MYCBP2: variants seen among roughly 807,000 people sequenced by gnomAD.
The protein encoded by MYCBP2 is MYC binding protein 2, also known as E3 ubiquitin-protein ligase MYCBP2.
MYCBP2 carries 120 observed loss-of-function variants against 525.3 expected under a neutral mutation model. The observed-to-expected ratio is 0.23, with a 90% CI of 0.20 to 0.27. The LOEUF (loss-of-function observed/expected upper bound fraction) is 0.27, where lower values mean the gene tolerates loss of function less well. Among genes scored for constraint, MYCBP2 ranks in the 10% least tolerant of loss-of-function variants. The pLI is 1.00. For missense variants in MYCBP2, 4,149 were observed against 5,657.1 expected, an observed-to-expected ratio of 0.73 and a Z score of 8.55; for synonymous variants, 1,894 against 1,955.8, an observed-to-expected ratio of 0.97 and a Z score of 0.83.
At chr13:77,311,313 GT>G (rs1167520591) in intron 1 of MYCBP2, among the ~76,000 whole-genome samples, 2 of 152,134 alleles carry the variant, frequency 1.3e-5, no homozygotes, top group Non-Finnish European at 2.9e-5. Context: ...AAACCCTAGA[GT>G]TTACAAAACA....
chr13:77,290,590 GA>G (rs1217082969), intron 2 of MYCBP2, among the ~76,000 whole-genome samples: 5 of 152,048 alleles, frequency 3.3e-5, no homozygotes, highest in Non-Finnish European at 7.4e-5. Flanking sequence ...GCCAAGTGGG[GA>G]AAAAAAGCAC....
intron 76 of MYCBP2, among the ~76,000 whole-genome samples, chr13:77,060,155 T>C (rs983863327): frequency 6.6e-6 from 1 of 151,900 alleles, no homozygotes; most frequent in African/African-American, 2.4e-5. Context: ...ACAGAATCAA[T>C]AAAACAAGAA....
chr13:77,109,450 G>T (rs918999155), intron 55 of MYCBP2, among the ~76,000 whole-genome samples: 1 of 152,184 alleles, frequency 6.6e-6, no homozygotes, highest in Admixed American at 6.5e-5. Context: ...ACAGGCCTTG[G>T]ACCAGTATTG....
At chr13:77,219,929 AC>A (rs1436843763) in intron 20 of MYCBP2, among the ~76,000 whole-genome samples, 2 of 152,056 alleles carry the variant, frequency 1.3e-5, no homozygotes, top group Non-Finnish European at 2.9e-5. Context: ...TTTCATAGAG[AC>A]CCCATGTCTT....
At chr13:77,152,280 C>G (rs955300535) in intron 46 of MYCBP2, among the ~76,000 whole-genome samples, 3 of 152,144 alleles carry the variant, frequency 2.0e-5, no homozygotes, top group African/African-American at 7.2e-5. Flanking sequence ...ATATTAAAAA[C>G]CCATTCTTAT....
Position 77,062,681 on chromosome 13 carries a change from G to C in MYCBP2, c.12689C>G (p.Ala4230Gly). Residue 4230 changes from alanine to glycine, a missense_variant, in exon 74 of 83, where the codon GCA becomes GGA. Physicochemically the swap from Ala to Gly is moderately conservative, Grantham distance 60. Around this residue, in one of 21 missense-constraint regions of MYCBP2, gnomAD observed 220 missense variants for 396.0 expected, o/e 0.56. Transcript: ENST00000544440. ...GTCCTGATCAAGAACACATAGGGATGCGAGAGCAAGCCAGAGCTGTTGAAA... is the reference window on the plus strand; with the variant it reads ...GTCCTGATCAAGAACACATAGGGATCCGAGAGCAAGCCAGAGCTGTTGAAA... ...IATTRLWLAL[A>G]SLCVLDQDHV... 6.2e-7 allele frequency: 1 copy of C among 1,614,144 alleles called. No individual in the cohort carries two copies. Among genetic ancestry groups the C allele is most frequent in the Non-Finnish European group, 8.5e-7 (1 of 1,179,984 alleles).
intron 37 of MYCBP2, among the ~76,000 whole-genome samples, chr13:77,173,143 G>C (rs1595119700): frequency 6.6e-6 from 1 of 152,212 alleles, no homozygotes; most frequent in Admixed American, 6.5e-5. Flanking sequence ...GGAGCTATCA[G>C]AGCAGGATGG....
intron 1 of MYCBP2, among the ~76,000 whole-genome samples, chr13:77,307,023 C>T (rs2079518337): frequency 6.6e-6 from 1 of 151,982 alleles, no homozygotes. Context: ...ACTACAGACT[C>T]CATAGGTGGA....
At chr13:77,243,554 A>G (rs1594265804) in intron 16 of MYCBP2, among the ~76,000 whole-genome samples, 1 of 151,778 alleles carries the variant, frequency 6.6e-6, no homozygotes, top group Non-Finnish European at 1.5e-5. Flanking sequence ...CGGAGGTTGC[A>G]GTGAGCTGAG....
chr13:77,053,050 C>T (rs529276100), intron 80 of MYCBP2, among the ~76,000 whole-genome samples: 1 of 151,322 alleles, frequency 6.6e-6, no homozygotes, highest in East Asian at 2.0e-4. Flanking sequence ...AGGTGGGAGG[C>T]TTGTTTGAGC....
intron 54 of MYCBP2, among the ~76,000 whole-genome samples, chr13:77,123,261 T>C (rs2051069607): frequency 6.6e-6 from 1 of 152,196 alleles, no homozygotes; most frequent in East Asian, 1.9e-4. Flanking sequence ...AGGTTTTATA[T>C]TAAAATAGTA....
chr13:77,178,988 G>C (rs2059969516), intron 34 of MYCBP2, among the ~76,000 whole-genome samples: 1 of 152,168 alleles, frequency 6.6e-6, no homozygotes, highest in East Asian at 1.9e-4. Flanking sequence ...TCGTCTCTGA[G>C]GCCAAACTCA....
chr13:77,083,571 TA>T, intron 62 of MYCBP2, among the ~76,000 whole-genome samples: 1 of 152,182 alleles, frequency 6.6e-6, no homozygotes, highest in East Asian at 1.9e-4. Context: ...TGTTTATGTA[TA>T]AAAAATAACA....
In MYCBP2 at chr13:77,181,849, G is replaced by C. The variant is rs763978416; in HGVS notation, c.4793C>G (p.Thr1598Arg). The C allele has an allele frequency of 1.2e-5, 20 of 1,613,916 alleles. No individual in the cohort carries two copies. The highest frequency in any genetic ancestry group is 3.3e-5 in the South Asian group (3 of 91,088). Residue 1598 changes from threonine to arginine, a missense_variant, in exon 33 of 83, where the codon ACG becomes AGG. Transcript: ENST00000544440. ...LAAVMSALCH[T>R]SVKLTSIFPI... ...GAAGATGGAAGTCAGCTTAACAGAC[G>C]TGTGACACAGAGCTGACATAACAGC...
At chr13:77,076,625 G>T in intron 68 of MYCBP2, 126 bp downstream of exon 68, 1 of 570,136 alleles carries the variant, frequency 1.8e-6, no homozygotes, top group Non-Finnish European at 3.0e-6. Flanking sequence ...ATCTTTCTAA[G>T]AACAAATATG....
intron 51 of MYCBP2, among the ~76,000 whole-genome samples, chr13:77,139,700 A>T (rs779906667): frequency 2.6e-5 from 4 of 152,246 alleles, no homozygotes; most frequent in Non-Finnish European, 5.9e-5. Flanking sequence ...TTACCAGAAA[A>T]ATATACTGTC....
At chr13:77,065,348 C>T (rs1041946138) in intron 72 of MYCBP2, among the ~76,000 whole-genome samples, 1 of 152,194 alleles carries the variant, frequency 6.6e-6, no homozygotes, top group Non-Finnish European at 1.5e-5. Flanking sequence ...AATCCTCCCA[C>T]TTCTCATATC....
intron 55 of MYCBP2, among the ~76,000 whole-genome samples, chr13:77,105,466 A>G (rs1401082518): frequency 1.3e-5 from 2 of 152,056 alleles, no homozygotes; most frequent in African/African-American, 2.4e-5. Context: ...GTTGCTGAAA[A>G]CAACACATGT....
chr13:77,187,345 C>CT, intron 30 of MYCBP2, among the ~76,000 whole-genome samples: 1 of 152,262 alleles, frequency 6.6e-6, no homozygotes, highest in East Asian at 1.9e-4. Flanking sequence ...TTCTCATAGT[C>CT]TTTTATTCAA....
Sources: allele counts gnomAD v4.1 joint callset (sites outside exome capture counted in the v4.1 genomes callset), GRCh38; gene constraint gnomAD v4.1.1; regional missense constraint gnomAD v4.1.1; transcripts MANE v1.5; gene names NCBI Gene and HGNC (gene_info 2026-07-23, HGNC 2026-07-21).